Variants in GRIK2 observed in about 807,000 individuals in gnomAD.
GRIK2 encodes glutamate receptor ionotropic, kainate 2.
A neutral mutation model predicts 100.3 loss-of-function variants in GRIK2; 32 were observed. The ratio of observed to expected loss-of-function variants is 0.32; its 90% CI spans 0.24 to 0.43. GRIK2 has a LOEUF of 0.43. Among genes scored for constraint, GRIK2 ranks in the 20% least tolerant of loss-of-function variants. The pLI is 1.00. For synonymous variants in GRIK2, 417 were observed against 389.4 expected, an observed-to-expected ratio of 1.07 and a Z score of -0.83; for missense variants, 843 against 1,114.9, an observed-to-expected ratio of 0.76 and a Z score of 3.47.
At chr6:101,781,028 A>G (rs2128401789) in intron 7 of GRIK2, among the ~76,000 whole-genome samples, 1 of 152,264 alleles carries the variant, frequency 6.6e-6, no homozygotes, top group Middle Eastern at 3.4e-3. Context: ...TCAGTTCAGG[A>G]TTTGTTAGAA....
At chr6:101,843,094 C>T (rs562746421) in intron 10 of GRIK2, among the ~76,000 whole-genome samples, 4 of 152,064 alleles carry the variant, frequency 2.6e-5, no homozygotes, top group East Asian at 1.9e-4. Context: ...CAAATTTATT[C>T]GATCTTTAAG....
At chr6:101,523,236 T>C in intron 2 of GRIK2, among the ~76,000 whole-genome samples, 1 of 152,148 alleles carries the variant, frequency 6.6e-6, no homozygotes, top group African/African-American at 2.4e-5. Flanking sequence ...GATATTTTTG[T>C]CAACCTCCTC....
At chr6:102,037,708 T>G (rs1163176280) in intron 15 of GRIK2, among the ~76,000 whole-genome samples, 4 of 151,356 alleles carry the variant, frequency 2.6e-5, no homozygotes, top group Non-Finnish European at 5.9e-5. Context: ...CAAAATGTGT[T>G]AAATTATACC....
At chr6:101,813,793 T>A (rs1161067685) in intron 9 of GRIK2, among the ~76,000 whole-genome samples, 3 of 151,848 alleles carry the variant, frequency 2.0e-5, no homozygotes, top group Non-Finnish European at 2.9e-5. Context: ...GTGAAACCCA[T>A]CTTTTCTAAA....
At chr6:101,574,712 A>G (rs1777719836) in intron 2 of GRIK2, among the ~76,000 whole-genome samples, 1 of 151,856 alleles carries the variant, frequency 6.6e-6, no homozygotes, top group South Asian at 2.1e-4. Flanking sequence ...GTTTACTCGG[A>G]TATTTTAATA....
chr6:101,879,494 C>T (rs760655340), intron 11 of GRIK2, among the ~76,000 whole-genome samples: 32 of 151,912 alleles, frequency 2.1e-4, no homozygotes, highest in Non-Finnish European at 8.8e-5. Context: ...AATTCAGTGT[C>T]CTTACGGAAG....
rs369969364 is a variant in GRIK2, at chr6:101,918,898, T to C, written c.1749-5703T>C. Reference sequence around the variant, plus strand: ...TAGTACAGCAAAAGACAGTAGGTGATAAATAGATATTTGAAACAGATCAAC... The same window carrying C: ...TAGTACAGCAAAAGACAGTAGGTGACAAATAGATATTTGAAACAGATCAAC... On this transcript the variant is annotated intron_variant, in intron 12 of 16. Coordinates refer to ENST00000369134, the MANE Select transcript of GRIK2 (RefSeq NM_021956.5). Among the ~76,000 whole-genome samples the C allele has an allele frequency of 5.5e-4, 83 of 151,880 alleles. 2 individuals carry two copies. The South Asian group carries it at 0.011, about 20-fold the overall frequency.
intron 14 of GRIK2, among the ~76,000 whole-genome samples, chr6:101,988,143 G>A (rs1582673510): frequency 2.3e-4 from 2 of 8,694 alleles, no homozygotes; most frequent in African/African-American, 3.7e-4. Context: ...GCGCGCGCGC[G>A]CGCGCGCGCG....
chr6:101,890,710 T>C (rs993255152), intron 12 of GRIK2, among the ~76,000 whole-genome samples: 1 of 152,092 alleles, frequency 6.6e-6, no homozygotes, highest in Non-Finnish European at 1.5e-5. Flanking sequence ...AAATTTATAA[T>C]CATGTTTATT....
Position 101,971,172 on chromosome 6 carries a change from C to T in GRIK2, c.2085+42540C>T, listed in dbSNP as rs1030104692. 5.5e-5 allele frequency among the ~76,000 whole-genome samples: 8 copies of T among 144,366 alleles called. 1 individual carries two copies. The highest frequency in any genetic ancestry group is 2.0e-4 in the African/African-American group (7 of 34,196). The allele number at this position is 144,366 out of a possible 152,430, so 94.7% of individuals were successfully genotyped here. The stretch of plus-strand genomic sequence containing the variant: ...AAACAGAAAGCCAATGAGATATATT[C>T]ACATCTGTAAACATTCTTTTTTATT... On this transcript the variant is annotated intron_variant, in intron 14 of 16. Coordinates refer to ENST00000369134, the MANE Select transcript of GRIK2 (RefSeq NM_021956.5).
intron 7 of GRIK2, among the ~76,000 whole-genome samples, chr6:101,784,851 G>A (rs763433875): frequency 5.3e-5 from 8 of 152,024 alleles, no homozygotes; most frequent in Non-Finnish European, 1.2e-4. Context: ...AACCTCTTTT[G>A]TTTATAAATT....
chr6:101,444,587 G>A (rs1393285813), intron 2 of GRIK2, among the ~76,000 whole-genome samples: 1 of 151,950 alleles, frequency 6.6e-6, no homozygotes, highest in Non-Finnish European at 1.5e-5. Context: ...TATATGCAAA[G>A]TTCTCCTTAA....
intron 7 of GRIK2, among the ~76,000 whole-genome samples, chr6:101,793,687 C>A (rs879280875): frequency 3.3e-5 from 5 of 152,190 alleles, no homozygotes; most frequent in Admixed American, 1.3e-4. Flanking sequence ...AGGCAGTCTG[C>A]CCGTTCTCAG....
At chr6:101,975,739 G>C (rs887797891) in intron 14 of GRIK2, among the ~76,000 whole-genome samples, 1 of 151,748 alleles carries the variant, frequency 6.6e-6, no homozygotes, top group South Asian at 2.1e-4. Context: ...TAGTTTTTAG[G>C]CCATTTATTT....
intron 10 of GRIK2, among the ~76,000 whole-genome samples, chr6:101,819,798 C>G (rs945990399): frequency 6.6e-6 from 1 of 152,090 alleles, no homozygotes; most frequent in African/African-American, 2.4e-5. Context: ...ACCCAAGTCC[C>G]ACCATAAAAG....
intron 15 of GRIK2, among the ~76,000 whole-genome samples, chr6:102,036,629 G>T (rs1770289137): frequency 6.6e-6 from 1 of 151,260 alleles, no homozygotes; most frequent in African/African-American, 2.4e-5. Context: ...GAGATTTGTA[G>T]ATATTATTTT....
chr6:101,440,611 G>T (rs1340402730), intron 2 of GRIK2, among the ~76,000 whole-genome samples: 1 of 152,180 alleles, frequency 6.6e-6, no homozygotes, highest in Admixed American at 6.6e-5. Flanking sequence ...CTGTGTGATA[G>T]AACCTGCACC....
intron 10 of GRIK2, among the ~76,000 whole-genome samples, chr6:101,823,676 T>C (rs192249611): frequency 6.6e-6 from 1 of 152,250 alleles, no homozygotes; most frequent in Non-Finnish European, 1.5e-5. Flanking sequence ...AATACAATTT[T>C]TGAGCAAGTA....
intron 14 of GRIK2, among the ~76,000 whole-genome samples, chr6:102,021,115 A>AT (rs1405839188): frequency 6.6e-6 from 1 of 151,844 alleles, no homozygotes; most frequent in Non-Finnish European, 1.5e-5. Flanking sequence ...AAAATTTCAC[A>AT]TTTTATGTTA....
Sources: allele counts gnomAD v4.1 joint callset (sites outside exome capture counted in the v4.1 genomes callset), GRCh38; gene constraint gnomAD v4.1.1; transcripts MANE v1.5; gene names NCBI Gene and HGNC (gene_info 2026-07-23, HGNC 2026-07-21).